Variants in NUDT4 observed in about 807,000 individuals in gnomAD.
NUDT4 encodes the protein diphosphoinositol polyphosphate phosphohydrolase 2.
A neutral mutation model predicts 23.1 loss-of-function variants in NUDT4; 5 were observed. The ratio of observed to expected loss-of-function variants is 0.22; its 90% CI spans 0.11 to 0.46. The LOEUF is 0.46. Among genes scored for constraint, NUDT4 ranks in the 20% least tolerant of loss-of-function variants. The pLI, the probability that NUDT4 is intolerant of heterozygous loss-of-function variation, is 0.99. For synonymous variants in NUDT4, 50 were observed against 79.0 expected (o/e 0.63, Z 1.95); for missense variants, 96 against 211.6 (o/e 0.45, Z 3.39).
chr12:93,384,437 G>T (rs536051695), intron 1 of NUDT4, among the ~76,000 whole-genome samples: 1 of 152,254 alleles, frequency 6.6e-6, no homozygotes, highest in East Asian at 1.9e-4. Flanking sequence ...AAAGTGCTGG[G>T]ATTACAGGCG....
At position 93,378,334 on chromosome 12, in the gene NUDT4, C is replaced by A. The variant is rs748328163; in HGVS notation, c.12C>A (p.Phe4Leu). The A allele has an allele frequency of 4.5e-5, 67 of 1,483,454 alleles. 2 individuals carry two copies. In the South Asian group the frequency reaches 5.1e-4, roughly 11 times the overall value. 91.9% of individuals were successfully genotyped at this position (1,483,454 alleles called of 1,614,324 possible). A position where few individuals can be genotyped will look rare whatever the true frequency, so the allele number is the denominator to read the frequency against. The change falls in exon 1 of 5, where the codon TTC becomes TTA. Residue 4 changes from phenylalanine to leucine, a missense_variant. Transcript: ENST00000415493. MMK[F>L]KPNQTRTYDR... is the part of the protein sequence containing the mutation. The stretch of plus-strand genomic sequence containing the variant: ...AGGAGCCCGCCTCTATGATGAAGTT[C>A]AAGCCCAACCAGACGCGGACCTACG...
rs1290308608 is a variant in NUDT4 at position 93,405,331 on chromosome 12, A to T, written c.*5952A>T. The stretch of plus-strand genomic sequence containing the variant: ...GGTAAGATGGATCAGGAGTCTTTAA[A>T]AATAAAACTGAGAAAGAAAAATCAT... On this transcript the variant is annotated 3_prime_UTR_variant, in exon 5 of 5. Coordinates refer to ENST00000415493, the MANE Select transcript of NUDT4 (RefSeq NM_019094.6). 8.3e-6 allele frequency: 1 copy of T among 120,864 alleles called. No homozygotes were observed. The highest frequency in any genetic ancestry group is 2.7e-5 in the African/African-American group (1 of 37,330). 7.5% of individuals were successfully genotyped at this position (120,864 alleles called of 1,614,324 possible). A position where few individuals can be genotyped will look rare whatever the true frequency, so the allele number is the denominator to read the frequency against.
chr12:93,384,428 A>G (rs914006266), intron 1 of NUDT4, among the ~76,000 whole-genome samples: 2 of 152,220 alleles, frequency 1.3e-5, no homozygotes, highest in East Asian at 1.9e-4. Flanking sequence ...CAGCCTCTCA[A>G]AGTGCTGGGA....
intron 3 of NUDT4, among the ~76,000 whole-genome samples, chr12:93,397,630 G>A (rs1271373457): frequency 1.3e-5 from 2 of 151,976 alleles, no homozygotes; most frequent in African/African-American, 4.8e-5. Flanking sequence ...GGGCTCAAGC[G>A]ATCCTTCACT....
intron 1 of NUDT4, among the ~76,000 whole-genome samples, chr12:93,382,707 C>CCA (rs2053863715): frequency 9.2e-6 from 1 of 108,944 alleles, no homozygotes; most frequent in Non-Finnish European, 1.9e-5. Context: ...GACAGAGTCT[C>CCA]GCTCTGTCCT....
intron 1 of NUDT4, among the ~76,000 whole-genome samples, chr12:93,386,602 A>G (rs1876120468): frequency 1.3e-5 from 2 of 152,220 alleles, no homozygotes; most frequent in African/African-American, 4.8e-5. Context: ...GAAGCTATTA[A>G]TAGTTGAGTT....
At chr12:93,390,618 T>G (rs1876427161) in intron 1 of NUDT4, among the ~76,000 whole-genome samples, 1 of 151,968 alleles carries the variant, frequency 6.6e-6, no homozygotes, top group Non-Finnish European at 1.5e-5. Flanking sequence ...CCCCCCTCCC[T>G]TTTTTTGAGA....
Position 93,405,279 on chromosome 12 carries a change from A to G in NUDT4, c.*5900A>G, listed in dbSNP as rs1490622527. Reference sequence around the variant, plus strand: ...CTATCGATATTTACTAATCTACATCATGGAACTATTTCAAAAGCAGTCATA... The same window carrying G: ...CTATCGATATTTACTAATCTACATCGTGGAACTATTTCAAAAGCAGTCATA... On this transcript the variant is annotated 3_prime_UTR_variant, in exon 5 of 5. Transcript: ENST00000415493. 6.6e-6 allele frequency: 1 copy of G among 152,230 alleles called. No homozygotes were observed. The highest frequency in any genetic ancestry group is 1.5e-5 in the Non-Finnish European group (1 of 68,040). The allele number at this position is 152,230 out of a possible 1,614,324, so 9.4% of individuals were successfully genotyped here. A position where few individuals can be genotyped will look rare whatever the true frequency, so the allele number is the denominator to read the frequency against.
rs1382642699 is a variant in NUDT4, at chr12:93,402,472, T to TC, written c.*3095dup. ...TAAACTTGTGTTCAAATATTCCCCC[T>TC]CCAAGTGAAAGCCTGTCGGGAATTC... On this transcript the variant is annotated 3_prime_UTR_variant, in exon 5 of 5. Coordinates refer to ENST00000415493, the MANE Select transcript of NUDT4 (RefSeq NM_019094.6). 5 of 152,262 alleles carry TC rather than the reference T, an allele frequency of 3.3e-5. No homozygotes were observed. In the South Asian group the frequency reaches 8.3e-4, roughly 25 times the overall value. 9.4% of individuals were successfully genotyped at this position (152,262 alleles called of 1,614,324 possible). A position where few individuals can be genotyped will look rare whatever the true frequency, so the allele number is the denominator to read the frequency against.
rs1015485468 is a variant in NUDT4 at position 93,378,292 on chromosome 12, G to C, written c.-31G>C. 1 of 868,700 alleles carries C rather than the reference G, an allele frequency of 1.2e-6. No individual in the cohort carries two copies. The highest frequency in any genetic ancestry group is 1.6e-6 in the Non-Finnish European group (1 of 622,132). The allele number at this position is 868,700 out of a possible 1,614,324, so 53.8% of individuals were successfully genotyped here. Reference sequence around the variant, plus strand: ...CCGGGCCCCCACGGCGGCGGCCGGAGCAGCAGCAGCAGCAGCAGGAGCCCG... The same window carrying C: ...CCGGGCCCCCACGGCGGCGGCCGGACCAGCAGCAGCAGCAGCAGGAGCCCG... On this transcript the variant is annotated 5_prime_UTR_variant, in exon 1 of 5. Coordinates refer to ENST00000415493, the MANE Select transcript of NUDT4 (RefSeq NM_019094.6).
intron 1 of NUDT4, among the ~76,000 whole-genome samples, chr12:93,391,563 TCA>T (rs764534259): frequency 2.6e-4 from 33 of 127,162 alleles, no homozygotes; most frequent in East Asian, 1.6e-3. Flanking sequence ...AGACTCCATT[TCA>T]AAAAAAAAAA....
chr12:93,382,674 C>CTTTTTTTTTTTTTT (rs11315217), intron 1 of NUDT4, among the ~76,000 whole-genome samples: 1,618 of 111,530 alleles, frequency 0.015, 111 homozygotes, highest in Admixed American at 0.031. Flanking sequence ...CAAAGGTAGC[C>CTTTTTTTTTTTTTT]TTTTTTTTTT....
intron 1 of NUDT4, among the ~76,000 whole-genome samples, chr12:93,385,385 C>G (rs1403764878): frequency 2.6e-5 from 4 of 152,188 alleles, no homozygotes; most frequent in South Asian, 4.1e-4. Flanking sequence ...TTTCGTAAAT[C>G]TTTCATATAG....
At chr12:93,386,215 C>G (rs1387623766) in intron 1 of NUDT4, among the ~76,000 whole-genome samples, 1 of 151,790 alleles carries the variant, frequency 6.6e-6, no homozygotes, top group Non-Finnish European at 1.5e-5. Flanking sequence ...AGACTCAGTC[C>G]GCCTGCCTTG....
rs1384998638 is a variant in NUDT4, at chr12:93,398,767, G to GCTTCTGGGCTTTT, written c.256-3_256-2insTTCTGGGCTTTTC. The GCTTCTGGGCTTTT allele has an allele frequency of 6.3e-7, 1 of 1,589,274 alleles. No individual in the cohort carries two copies. The highest frequency in any genetic ancestry group is 2.2e-5 in the East Asian group (1 of 44,708). ...AAAATGCATTTCTTTTTATATTCAA[G>GCTTCTGGGCTTTT]CAGAACCAAGACCGAAAGCACAGAA... On this transcript the variant is annotated splice_polypyrimidine_tract_variant and splice_region_variant and intron_variant, in intron 3 of 4. Coordinates refer to ENST00000415493, the MANE Select transcript of NUDT4 (RefSeq NM_019094.6).
rs543233726 is a variant in NUDT4, at chr12:93,398,925, A to G, written c.340+70A>G. 43 of 1,117,556 alleles carry G rather than the reference A, an allele frequency of 3.8e-5. 2 individuals are homozygous for G. The South Asian group carries it at 5.5e-4, about 14-fold the overall frequency. 69.2% of individuals were successfully genotyped at this position (1,117,556 alleles called of 1,614,324 possible). The stretch of plus-strand genomic sequence containing the variant: ...TTGGGAAGATTCTGTTAATATAGGT[A>G]AGTTCCCTTTTGTTATCTGAATACT... On this transcript the variant is annotated intron_variant, in intron 4 of 4. Coordinates refer to ENST00000415493, the MANE Select transcript of NUDT4 (RefSeq NM_019094.6).
intron 1 of NUDT4, chr12:93,378,693 C>T (rs72620740): frequency 0.24 from 279,880 of 1,144,926 alleles, 35,978 homozygotes; most frequent in East Asian, 0.56. Context: ...TCCCGGGCCG[C>T]GTAAGTCTCG....
chr12:93,393,460 CCAGA>C (rs1358094358), intron 1 of NUDT4, among the ~76,000 whole-genome samples: 12 of 152,008 alleles, frequency 7.9e-5, no homozygotes, highest in Admixed American at 4.6e-4. Context: ...AAATTAAGGG[CCAGA>C]CAAACATTTT....
intron 1 of NUDT4, chr12:93,378,877 C>T: frequency 1.3e-6 from 1 of 760,700 alleles, no homozygotes; most frequent in Non-Finnish European, 1.6e-6. Context: ...TCGATCTAAG[C>T]ATGTTTGTGG....
Sources: gnomAD v4.1 joint callset for allele counts (sites outside exome capture counted in the v4.1 genomes callset) on GRCh38, gnomAD v4.1.1 for gene constraint, MANE v1.5 for transcripts, NCBI Gene and HGNC (gene_info 2026-07-23, HGNC 2026-07-21) for gene names.